GRIN2A: variants seen among roughly 807,000 people sequenced by gnomAD.
The protein encoded by GRIN2A is glutamate receptor ionotropic, NMDA 2A.
GRIN2A carries 22 observed loss-of-function variants against 113.4 expected under a neutral mutation model. The observed-to-expected ratio is 0.19, with a 90% CI of 0.14 to 0.28. The LOEUF (loss-of-function observed/expected upper bound fraction) is 0.28. Ranked by LOEUF, GRIN2A falls within the 10% of genes least tolerant of loss-of-function variation. The probability of loss-of-function intolerance (pLI) is 1.00; values close to 1 mark genes in which losing one functional copy is unlikely to be tolerated. For synonymous variants in GRIN2A, 827 were observed against 738.4 expected (o/e 1.12, Z -1.94); for missense variants, 1,502 against 1,887.0 (o/e 0.80, Z 3.78).
chr16:9,885,286 G>T (rs898286945), intron 4 of GRIN2A, among the ~76,000 whole-genome samples: 2 of 152,136 alleles, frequency 1.3e-5, no homozygotes, highest in African/African-American at 4.8e-5. Flanking sequence ...GGAATTTGAG[G>T]CTGTAGGGTC....
chr16:9,892,038 G>A (rs2043704707), intron 3 of GRIN2A, among the ~76,000 whole-genome samples: 1 of 152,098 alleles, frequency 6.6e-6, no homozygotes, highest in Admixed American at 6.6e-5. Context: ...AGACCAGCCT[G>A]ACCAACATGG....
chr16:9,785,979 A>T (rs1902208264), intron 11 of GRIN2A, among the ~76,000 whole-genome samples: 1 of 152,228 alleles, frequency 6.6e-6, no homozygotes, highest in Non-Finnish European at 1.5e-5. Context: ...TGAATGAACA[A>T]ATGGGTGAAT....
rs1272423148 is a variant in GRIN2A at position 10,061,482 on chromosome 16, TCC to T, written c.414+118514_414+118515del. Among the ~76,000 whole-genome samples, 6 of 152,368 alleles carry T rather than the reference TCC, an allele frequency of 3.9e-5. No individual in the cohort carries two copies. The East Asian group carries it at 1.2e-3, about 29-fold the overall frequency. ...CCTGAGATTCCTTTACATACTCATT[TCC>T]ACTCATTCACTCTGATTTAAATACA... On this transcript the variant is annotated intron_variant, in intron 2 of 12. Coordinates refer to ENST00000330684, the MANE Select transcript of GRIN2A (RefSeq NM_001134407.3).
intron 4 of GRIN2A, among the ~76,000 whole-genome samples, chr16:9,867,552 T>C (rs1385031955): frequency 6.6e-6 from 1 of 152,206 alleles, no homozygotes; most frequent in Middle Eastern, 3.2e-3. Context: ...CATTCTCTTC[T>C]GCACTGTCCT....
In GRIN2A at chr16:9,763,124, T is replaced by C. The variant is rs757539911; in HGVS notation, c.*25A>G. 5.6e-6 allele frequency: 9 copies of C among 1,608,060 alleles called. No individual in the cohort carries two copies. Among genetic ancestry groups the C allele is most frequent in the African/African-American group, 1.3e-5 (1 of 74,822 alleles). On this transcript the variant is annotated 3_prime_UTR_variant, in exon 13 of 13. Coordinates refer to ENST00000330684, the MANE Select transcript of GRIN2A (RefSeq NM_001134407.3). ...ATTGGCCATTACGTATATTTCCCTA[T>C]AGATAAAACATTAATGGAAGATTTT...
At chr16:9,806,763 G>C (rs1227553049) in intron 10 of GRIN2A, among the ~76,000 whole-genome samples, 2 of 151,730 alleles carry the variant, frequency 1.3e-5, no homozygotes, top group Admixed American at 1.3e-4. Flanking sequence ...GAAACTAAGA[G>C]AAAAAAGGGG....
intron 4 of GRIN2A, among the ~76,000 whole-genome samples, chr16:9,881,018 G>A (rs538546038): frequency 3.6e-4 from 55 of 152,292 alleles, no homozygotes; most frequent in Non-Finnish European, 6.5e-4. Context: ...CACATAGTGA[G>A]TGCTCAGGAA....
intron 2 of GRIN2A, among the ~76,000 whole-genome samples, chr16:10,116,433 C>T (rs745422008): frequency 1.3e-5 from 2 of 152,136 alleles, no homozygotes; most frequent in Non-Finnish European, 2.9e-5. Flanking sequence ...AGGTAACAAA[C>T]CTATGTTCTG....
At position 9,812,929 on chromosome 16, in the gene GRIN2A, C is replaced by T. The variant is rs185750333; in HGVS notation, c.2168+9335G>A. Reference sequence around the variant, plus strand: ...ATCATGCATTAAGCTCTGAATTGTGCGGTAATCCAAGCAAAAAGAAAACCA... The same window carrying T: ...ATCATGCATTAAGCTCTGAATTGTGTGGTAATCCAAGCAAAAAGAAAACCA... On this transcript the variant is annotated intron_variant, in intron 10 of 12. Coordinates refer to ENST00000330684, the MANE Select transcript of GRIN2A (RefSeq NM_001134407.3). Among the ~76,000 whole-genome samples, 70 of 152,160 alleles carry T rather than the reference C, an allele frequency of 4.6e-4. 1 individual carries two copies. The highest frequency in any genetic ancestry group is 1.3e-3 in the African/African-American group (54 of 41,516).
intron 8 of GRIN2A, among the ~76,000 whole-genome samples, chr16:9,830,025 T>C (rs750176354): frequency 6.6e-6 from 1 of 152,226 alleles, no homozygotes; most frequent in Non-Finnish European, 1.5e-5. Flanking sequence ...AATGTGTGCA[T>C]GGGGACTGCT....
intron 2 of GRIN2A, among the ~76,000 whole-genome samples, chr16:10,153,369 T>C (rs2049624039): frequency 1.3e-5 from 2 of 152,288 alleles, no homozygotes; most frequent in South Asian, 4.2e-4. Flanking sequence ...CCAGGCAGTA[T>C]CTAGGTGCTG....
At chr16:10,067,543 G>A (rs140836685) in intron 2 of GRIN2A, among the ~76,000 whole-genome samples, 3 of 152,284 alleles carry the variant, frequency 2.0e-5, no homozygotes, top group Non-Finnish European at 2.9e-5. Flanking sequence ...TGCAACACTC[G>A]GAACATTGCC....
intron 3 of GRIN2A, among the ~76,000 whole-genome samples, chr16:9,916,266 A>G (rs4782040): frequency 0.71 from 108,372 of 152,162 alleles, 40,422 homozygotes; most frequent in African/African-American, 0.89. Context: ...ATAAAGCAAA[A>G]TGATCCCATG....
intron 2 of GRIN2A, among the ~76,000 whole-genome samples, chr16:10,149,175 G>A (rs1028558656): frequency 7.9e-5 from 12 of 152,204 alleles, no homozygotes; most frequent in African/African-American, 2.7e-4. Flanking sequence ...GAGAGTGACT[G>A]TAGTTAATAA....
At chr16:9,902,639 T>G (rs1302139831) in intron 3 of GRIN2A, among the ~76,000 whole-genome samples, 4 of 152,188 alleles carry the variant, frequency 2.6e-5, no homozygotes, top group African/African-American at 7.2e-5. Flanking sequence ...GCACCAGCAC[T>G]CATTTAACCT....
chr16:9,769,700 G>C (rs1385000587), intron 11 of GRIN2A, among the ~76,000 whole-genome samples: 1 of 152,108 alleles, frequency 6.6e-6, no homozygotes, highest in African/African-American at 2.4e-5. Context: ...CATGAGGATT[G>C]AATGAGATGA....
chr16:10,109,898 TTTTAA>T lies in GRIN2A; in HGVS notation c.414+70095_414+70099del, dbSNP rs200685906. On this transcript the variant is annotated intron_variant, in intron 2 of 12. Transcript: ENST00000330684. ...GTACCCACAAAAAAAATAAAATTTT[TTTTAA>T]TTTTATTATTATTATACTTTAAGTT... Among the ~76,000 whole-genome samples, 727 of 152,034 alleles carry T rather than the reference TTTTAA, an allele frequency of 4.8e-3. 5 individuals carry two copies. Among genetic ancestry groups the T allele is most frequent in the African/African-American group, 0.016 (684 of 41,522 alleles).
rs1488438490 is a variant in GRIN2A, at chr16:9,754,466, G to A, written c.*8683C>T. 3.3e-5 allele frequency: 7 copies of A among 209,784 alleles called. No individual in the cohort carries two copies. The highest frequency in any genetic ancestry group is 1.4e-4 in the African/African-American group (6 of 44,014). The allele number at this position is 209,784 out of a possible 1,614,324, so 13.0% of individuals were successfully genotyped here. ...ATCCCTTCCCAGTGAAAAATTTGGG[G>A]AACATGAATGTTAAAAGTTCCACTT... On this transcript the variant is annotated 3_prime_UTR_variant, in exon 13 of 13. Transcript: ENST00000330684.
intron 3 of GRIN2A, among the ~76,000 whole-genome samples, chr16:9,905,959 A>C (rs1485148233): frequency 6.6e-6 from 1 of 152,212 alleles, no homozygotes; most frequent in Non-Finnish European, 1.5e-5. Context: ...TAAAAGGTCT[A>C]GTAAAGCCCC....
Sources: gnomAD v4.1 joint callset for allele counts (sites outside exome capture counted in the v4.1 genomes callset) on GRCh38, gnomAD v4.1.1 for gene constraint, MANE v1.5 for transcripts, NCBI Gene and HGNC (gene_info 2026-07-23, HGNC 2026-07-21) for gene names.